The following PPM1E variants were observed in gnomAD, a reference collection of about 807,000 sequenced individuals.
The protein encoded by PPM1E is protein phosphatase, Mg2+/Mn2+ dependent 1E, also known as protein phosphatase 1E.
PPM1E carries 20 observed loss-of-function variants against 65.9 expected under a neutral mutation model. The ratio of observed to expected loss-of-function variants is 0.30; its 90% CI spans 0.21 to 0.44. The LOEUF is 0.44. Among genes scored for constraint, PPM1E ranks in the 20% least tolerant of loss-of-function variants. The pLI is 1.00. For synonymous variants in PPM1E, 352 were observed against 374.9 expected, an observed-to-expected ratio of 0.94 and a Z score of 0.70; for missense variants, 713 against 953.1, an observed-to-expected ratio of 0.75 and a Z score of 3.32.
intron 1 of PPM1E, among the ~76,000 whole-genome samples, chr17:58,862,924 C>T (rs1428169947): frequency 1.3e-5 from 2 of 152,114 alleles, no homozygotes; most frequent in African/African-American, 4.8e-5. Flanking sequence ...TTATGTTGAG[C>T]TAATTTTATG....
intron 1 of PPM1E, among the ~76,000 whole-genome samples, chr17:58,862,551 T>C (rs546074701): frequency 6.6e-6 from 1 of 152,372 alleles, no homozygotes; most frequent in Admixed American, 6.5e-5. Context: ...AATATACTTG[T>C]ATCCTTGTGA....
chr17:58,781,638 A>G (rs1280052165), intron 1 of PPM1E, among the ~76,000 whole-genome samples: 1 of 152,092 alleles, frequency 6.6e-6, no homozygotes, highest in East Asian at 1.9e-4. Flanking sequence ...ACGGTGGCTG[A>G]TGCCTATAAT....
chr17:58,867,675 T>A (rs764502784), intron 1 of PPM1E, among the ~76,000 whole-genome samples: 1 of 152,208 alleles, frequency 6.6e-6, no homozygotes, highest in Non-Finnish European at 1.5e-5. Flanking sequence ...ATTTAACAAT[T>A]CAGTATCCTC....
intron 1 of PPM1E, among the ~76,000 whole-genome samples, chr17:58,825,663 G>T (rs959684265): frequency 6.6e-6 from 1 of 151,788 alleles, no homozygotes; most frequent in Admixed American, 6.6e-5. Flanking sequence ...TTCAAGCCCA[G>T]CCTCAGTCTG....
At chr17:58,889,556 GC>G (rs913377676) in intron 1 of PPM1E, among the ~76,000 whole-genome samples, 51 of 152,242 alleles carry the variant, frequency 3.3e-4, no homozygotes, top group Admixed American at 3.2e-3. Context: ...CCGAGACCGT[GC>G]CACTGCACTG....
chr17:58,885,510 GAGTA>G (rs2051255045), intron 1 of PPM1E, among the ~76,000 whole-genome samples: 1 of 152,144 alleles, frequency 6.6e-6, no homozygotes, highest in African/African-American at 2.4e-5. Flanking sequence ...ACTAATTGTG[GAGTA>G]AGTAAGGAAT....
chr17:58,972,953 A>G, intron 6 of PPM1E, 28 bp downstream of exon 6: 2 of 1,536,786 alleles, frequency 1.3e-6, no homozygotes, highest in Non-Finnish European at 1.8e-6. Context: ...TTGTTTCTCC[A>G]AACTGTCCTC....
intron 1 of PPM1E, among the ~76,000 whole-genome samples, chr17:58,947,409 G>GAC (rs1250942411): frequency 8.6e-5 from 13 of 151,346 alleles, no homozygotes; most frequent in Non-Finnish European, 1.6e-4. Flanking sequence ...GCTAGTTTTT[G>GAC]TATTTTTGGT....
At chr17:58,822,067 A>G (rs1054650659) in intron 1 of PPM1E, among the ~76,000 whole-genome samples, 1 of 152,206 alleles carries the variant, frequency 6.6e-6, no homozygotes, top group African/African-American at 2.4e-5. Flanking sequence ...TGGCAGCTTC[A>G]GGAAGGAATC....
intron 5 of PPM1E, 29 bp downstream of exon 5, chr17:58,972,304 A>G (rs1367836848): frequency 1.3e-6 from 2 of 1,588,860 alleles, no homozygotes; most frequent in Non-Finnish European, 1.7e-6. Context: ...AATAGAGCCC[A>G]TGCTCTAGTT....
intron 1 of PPM1E, among the ~76,000 whole-genome samples, chr17:58,837,320 A>AACACACATACACACACACAC (rs751021723): frequency 2.2e-4 from 27 of 120,284 alleles, no homozygotes; most frequent in Admixed American, 9.3e-4. Flanking sequence ...GAATGAGAAT[A>AACACACATACACACACACAC]ACACACACAC....
chr17:58,783,032 A>AACTTAAC (rs1330142058), intron 1 of PPM1E, among the ~76,000 whole-genome samples: 3 of 152,202 alleles, frequency 2.0e-5, no homozygotes, highest in Non-Finnish European at 2.9e-5. Flanking sequence ...ACTACTCAAT[A>AACTTAAC]TGACTTTGTT....
chr17:58,816,785 TATATATA>T (rs1341590539), intron 1 of PPM1E, among the ~76,000 whole-genome samples: 13 of 10,870 alleles, frequency 1.2e-3, no homozygotes, highest in Non-Finnish European at 1.7e-3. Context: ...TATATATATA[TATATATA>T]TATTTTTTTT....
intron 1 of PPM1E, among the ~76,000 whole-genome samples, chr17:58,799,096 A>G (rs563898972): frequency 2.0e-5 from 3 of 152,262 alleles, no homozygotes; most frequent in South Asian, 4.1e-4. Context: ...TTATTTTCCC[A>G]TCTAGATATC....
chr17:58,891,541 T>C (rs1309531273), intron 1 of PPM1E, among the ~76,000 whole-genome samples: 1 of 151,988 alleles, frequency 6.6e-6, no homozygotes, highest in East Asian at 1.9e-4. Flanking sequence ...GCCAGGCTGG[T>C]CTCGAACTCC....
At chr17:58,796,314 G>C (rs1054203741) in intron 1 of PPM1E, among the ~76,000 whole-genome samples, 4 of 152,158 alleles carry the variant, frequency 2.6e-5, no homozygotes, top group Admixed American at 1.3e-4. Flanking sequence ...CAAAGTGCTA[G>C]GATTATAGGT....
chr17:58,809,497 T>TCAA (rs2050345496), intron 1 of PPM1E, among the ~76,000 whole-genome samples: 1 of 152,088 alleles, frequency 6.6e-6, no homozygotes, highest in African/African-American at 2.4e-5. Flanking sequence ...ATCCTCCCAC[T>TCAA]TCAGCCTCCC....
At chr17:58,765,877 CTT>C (rs35401844) in intron 1 of PPM1E, among the ~76,000 whole-genome samples, 44 of 122,850 alleles carry the variant, frequency 3.6e-4, no homozygotes, top group Non-Finnish European at 5.5e-4. Flanking sequence ...TTTGTAGTTT[CTT>C]TTTTTTTTTT....
intron 1 of PPM1E, among the ~76,000 whole-genome samples, chr17:58,911,317 C>T (rs922013763): frequency 6.6e-6 from 1 of 152,146 alleles, no homozygotes; most frequent in African/African-American, 2.4e-5. Flanking sequence ...AGCTGGAAGT[C>T]TTCCCTCTAT....
Sources: allele counts gnomAD v4.1 joint callset (sites outside exome capture counted in the v4.1 genomes callset), GRCh38; gene constraint gnomAD v4.1.1; transcripts MANE v1.5; gene names NCBI Gene and HGNC (gene_info 2026-07-23, HGNC 2026-07-21).